The following IDE variants were observed in gnomAD, a reference collection of about 807,000 sequenced individuals.
IDE encodes insulin-degrading enzyme.
Under a neutral mutation model 133.2 loss-of-function variants are expected in IDE, and 58 were observed. The observed-to-expected ratio is 0.44, with a 90% CI of 0.35 to 0.54. The LOEUF (loss-of-function observed/expected upper bound fraction) is 0.54, where lower values mean the gene tolerates loss of function less well. Ranked by LOEUF, IDE falls within the 20% of genes least tolerant of loss-of-function variation. The pLI, the probability that IDE is intolerant of heterozygous loss-of-function variation, is 0.00. For synonymous variants in IDE, 396 were observed against 421.3 expected (o/e 0.94, Z 0.73); for missense variants, 981 against 1,234.0 (o/e 0.79, Z 3.07).
chr10:92,468,212 G>C (rs947081506), intron 19 of IDE, among the ~76,000 whole-genome samples: 2 of 152,074 alleles, frequency 1.3e-5, no homozygotes, highest in Non-Finnish European at 1.5e-5. Flanking sequence ...AAAATAGCTG[G>C]GGGGAAAAGG....
At chr10:92,543,253 A>G (rs1194605069) in intron 1 of IDE, among the ~76,000 whole-genome samples, 3 of 152,194 alleles carry the variant, frequency 2.0e-5, no homozygotes, top group African/African-American at 7.2e-5. Context: ...AAGGCATGGA[A>G]TCAAAACCAC....
chr10:92,510,639 A>C (rs577380428), intron 5 of IDE, among the ~76,000 whole-genome samples: 52 of 151,284 alleles, frequency 3.4e-4, no homozygotes, highest in Non-Finnish European at 1.2e-4. Context: ...GTATATATAT[A>C]TCACATATAT....
At chr10:92,520,362 AT>A (rs1849156417) in intron 4 of IDE, among the ~76,000 whole-genome samples, 2 of 152,240 alleles carry the variant, frequency 1.3e-5, no homozygotes, top group Admixed American at 1.3e-4. Flanking sequence ...AATAAAATTT[AT>A]TTTCCTGGAA....
In IDE at chr10:92,454,547, GAA is replaced by G. The variant is rs763146630; in HGVS notation, c.2965-10_2965-9del. 3 of 1,608,814 alleles carry G rather than the reference GAA, an allele frequency of 1.9e-6. No individual in the cohort carries two copies. The highest frequency in any genetic ancestry group is 1.7e-6 in the Non-Finnish European group (2 of 1,175,564). ...GTTCTGAATCACTTCAGGCTGCAAA[GAA>G]AAAAGTTTCCTTTTAGTGTATTTAA... On this transcript the variant is annotated splice_polypyrimidine_tract_variant and intron_variant, in intron 24 of 24. Coordinates refer to ENST00000265986, the MANE Select transcript of IDE (RefSeq NM_004969.4).
intron 19 of IDE, among the ~76,000 whole-genome samples, chr10:92,466,075 G>A (rs1012570472): frequency 2.6e-5 from 4 of 151,652 alleles, no homozygotes; most frequent in African/African-American, 4.9e-5. Flanking sequence ...CCTCTCATCA[G>A]AAGGAGGGGA....
chr10:92,550,624 C>T (rs1467480336), intron 1 of IDE, among the ~76,000 whole-genome samples: 1 of 139,814 alleles, frequency 7.2e-6, no homozygotes, highest in African/African-American at 2.7e-5. Context: ...ACACTCCAGC[C>T]TGGGCAACAG....
chr10:92,525,175 C>T (rs943310659), intron 4 of IDE, among the ~76,000 whole-genome samples: 3 of 151,436 alleles, frequency 2.0e-5, no homozygotes, highest in African/African-American at 4.9e-5. Context: ...ATCACTTGAA[C>T]CCGGGAGGCA....
intron 11 of IDE, among the ~76,000 whole-genome samples, chr10:92,493,539 T>C (rs979098739): frequency 6.6e-6 from 1 of 151,038 alleles, no homozygotes; most frequent in African/African-American, 2.4e-5. Flanking sequence ...GGAAGATGAC[T>C]ATCTGACACA....
At chr10:92,481,411 G>A (rs1324975003) in intron 14 of IDE, among the ~76,000 whole-genome samples, 2 of 152,294 alleles carry the variant, frequency 1.3e-5, no homozygotes, top group East Asian at 1.9e-4. Flanking sequence ...TTGGGTGACA[G>A]AGGAAGACTC....
intron 12 of IDE, among the ~76,000 whole-genome samples, chr10:92,488,593 T>C (rs1292252292): frequency 6.6e-6 from 1 of 151,950 alleles, no homozygotes; most frequent in Non-Finnish European, 1.5e-5. Flanking sequence ...CTGGCCAACA[T>C]TGTGAAACCT....
At chr10:92,550,512 G>A (rs906256864) in intron 1 of IDE, among the ~76,000 whole-genome samples, 4 of 150,720 alleles carry the variant, frequency 2.7e-5, no homozygotes, top group African/African-American at 7.3e-5. Context: ...TTAGCCGGGT[G>A]TGGTGGCAGG....
At chr10:92,459,824 C>CT (rs901315055) in intron 22 of IDE, among the ~76,000 whole-genome samples, 12,511 of 92,802 alleles carry the variant, frequency 0.13, 1,369 homozygotes, top group African/African-American at 0.2. Context: ...GTGTGAACCT[C>CT]TTTTTTTTTT....
chr10:92,502,873 T>C (rs893114889), intron 11 of IDE, among the ~76,000 whole-genome samples: 7 of 152,224 alleles, frequency 4.6e-5, no homozygotes, highest in African/African-American at 1.7e-4. Flanking sequence ...AGTTTTTCAG[T>C]AAGATTTTCT....
intron 11 of IDE, among the ~76,000 whole-genome samples, chr10:92,500,702 C>G (rs1183052292): frequency 2.0e-5 from 3 of 151,470 alleles, no homozygotes; most frequent in Admixed American, 1.3e-4. Flanking sequence ...ATTACTGAAG[C>G]TTTATACTAA....
intron 6 of IDE, among the ~76,000 whole-genome samples, chr10:92,509,829 G>A (rs1316647736): frequency 6.7e-6 from 1 of 149,990 alleles, no homozygotes; most frequent in Non-Finnish European, 1.5e-5. Context: ...GCTGAGGTGG[G>A]AGGATCAATT....
At chr10:92,549,096 A>G (rs1842664712) in intron 1 of IDE, among the ~76,000 whole-genome samples, 2 of 152,174 alleles carry the variant, frequency 1.3e-5, no homozygotes, top group African/African-American at 2.4e-5. Context: ...TGTCTCTACT[A>G]AAAATACAAA....
chr10:92,492,349 T>C (rs1415827385), intron 11 of IDE, among the ~76,000 whole-genome samples: 1 of 151,974 alleles, frequency 6.6e-6, no homozygotes, highest in Non-Finnish European at 1.5e-5. Context: ...ATGACAAGAC[T>C]AGAGGAGCAA....
rs1465251482 is a variant in IDE at position 92,508,785 on chromosome 10, C to A, written c.1003G>T (p.Gly335Cys). 6.2e-7 allele frequency: 1 copy of A among 1,613,894 alleles called. No individual in the cohort carries two copies. Among genetic ancestry groups the A allele is most frequent in the Non-Finnish European group, 8.5e-7 (1 of 1,179,850 alleles). The change falls in exon 7 of 25, where the codon GGT becomes TGT. Residue 335 changes from glycine (G) to cysteine (C), a missense_variant. Transcript: ENST00000265986. ...YYKSNPGHYLGHLIGHEGPGS... is the reference protein window; with the variant it reads ...YYKSNPGHYLCHLIGHEGPGS... ...GGACCTTCATGCCCAATGAGATGAC[C>A]AAGATAATGACCAGGATTTGATTTG...
chr10:92,515,939 G>A (rs1366785414), intron 4 of IDE, among the ~76,000 whole-genome samples: 5 of 147,978 alleles, frequency 3.4e-5, no homozygotes, highest in African/African-American at 1.2e-4. Context: ...GGAGGCCGAG[G>A]CAGGCAGATC....
Sources: allele counts gnomAD v4.1 joint callset (sites outside exome capture counted in the v4.1 genomes callset), GRCh38; gene constraint gnomAD v4.1.1; transcripts MANE v1.5; gene names NCBI Gene and HGNC (gene_info 2026-07-23, HGNC 2026-07-21).